GPR176: variants seen among roughly 807,000 people sequenced by gnomAD.
The protein encoded by GPR176 is G protein-coupled receptor 176.
A neutral mutation model predicts 35.4 loss-of-function variants in GPR176; 26 were observed. That is an observed-to-expected ratio of 0.74 (90% CI 0.54 to 1.02). The LOEUF is 1.02. Among genes scored for constraint, GPR176 ranks in the 50% least tolerant of loss-of-function variants. GPR176 has a pLI of 0.00. For missense variants in GPR176, 597 were observed against 665.3 expected (o/e 0.90, Z 1.13); for synonymous variants, 278 against 271.3 (o/e 1.02, Z -0.24).
At chr15:39,885,190 C>A (rs1168481673) in intron 1 of GPR176, among the ~76,000 whole-genome samples, 1 of 152,182 alleles carries the variant, frequency 6.6e-6, no homozygotes, top group Non-Finnish European at 1.5e-5. Context: ...TAGCAACAAC[C>A]TCAAAGAGCA....
At chr15:39,878,776 AACC>A (rs745941604) in intron 1 of GPR176, among the ~76,000 whole-genome samples, 5 of 152,204 alleles carry the variant, frequency 3.3e-5, no homozygotes, top group Non-Finnish European at 4.4e-5. Context: ...TTAGTTGTAA[AACC>A]ACTTTAAAGC....
At chr15:39,894,787 G>A (rs1199618850) in intron 1 of GPR176, among the ~76,000 whole-genome samples, 1 of 152,164 alleles carries the variant, frequency 6.6e-6, no homozygotes, top group Non-Finnish European at 1.5e-5. Context: ...GGGCGGCCAG[G>A]CAGAGACGCT....
chr15:39,827,125 T>C (rs914224269), intron 1 of GPR176, among the ~76,000 whole-genome samples: 3 of 152,186 alleles, frequency 2.0e-5, no homozygotes, highest in African/African-American at 7.2e-5. Flanking sequence ...GAATTTATGC[T>C]AAACAATGTG....
intron 1 of GPR176, among the ~76,000 whole-genome samples, chr15:39,894,271 C>G (rs7172058): frequency 0.088 from 9,846 of 111,580 alleles, 66 homozygotes; most frequent in Admixed American, 0.21. Context: ...CTGACCCCCC[C>G]ACCTCCCTCC....
In GPR176 at chr15:39,801,523, T is replaced by C; in HGVS notation, c.1157A>G (p.Asp386Gly). The change falls in exon 3 of 3, where the codon GAT becomes GGT. Residue 386 changes from aspartate (D) to glycine (G), a missense_variant. By Grantham distance (94) the Asp-to-Gly change is moderately conservative. Transcript: ENST00000561100. The stretch of plus-strand genomic sequence containing the variant: ...GTACTTGGCCTCACTCTCTTCCTCA[T>C]CCTCTGTGGGCTTAAAGATCTGCTG... The part of the protein sequence containing the change: ...GQQQIFKPTE[D>G]EEESEAKYIG... 1 of 1,614,174 alleles carries C rather than the reference T, an allele frequency of 6.2e-7. No homozygotes were observed. Among genetic ancestry groups the C allele is most frequent in the Non-Finnish European group, 8.5e-7 (1 of 1,180,014 alleles).
chr15:39,857,358 A>T (rs1368460588), intron 1 of GPR176, among the ~76,000 whole-genome samples: 1 of 152,212 alleles, frequency 6.6e-6, no homozygotes, highest in Non-Finnish European at 1.5e-5. Flanking sequence ...ACTGAGCCTG[A>T]AAGAAAACAA....
At chr15:39,812,128 CA>C in intron 1 of GPR176, among the ~76,000 whole-genome samples, 1 of 152,156 alleles carries the variant, frequency 6.6e-6, no homozygotes, top group Non-Finnish European at 1.5e-5. Flanking sequence ...TATACTGCTT[CA>C]CATGTAATAT....
At chr15:39,803,815 T>A (rs1472307563) in intron 2 of GPR176, among the ~76,000 whole-genome samples, 4 of 151,754 alleles carry the variant, frequency 2.6e-5, no homozygotes, top group African/African-American at 9.7e-5. Context: ...TGCAGTGGAG[T>A]CTGGCAGGGG....
At chr15:39,864,571 T>G (rs927385880) in intron 1 of GPR176, among the ~76,000 whole-genome samples, 1 of 151,886 alleles carries the variant, frequency 6.6e-6, no homozygotes, top group Non-Finnish European at 1.5e-5. Context: ...TGGGAACAGA[T>G]TGTGAGGACA....
chr15:39,893,738 C>A (rs1367914100), intron 1 of GPR176, among the ~76,000 whole-genome samples: 3 of 147,038 alleles, frequency 2.0e-5, no homozygotes, highest in Non-Finnish European at 4.6e-5. Context: ...GGGGGCTGAC[C>A]CCCCCACCTC....
chr15:39,897,727 C>T (rs1358346130), intron 1 of GPR176, among the ~76,000 whole-genome samples: 3 of 150,282 alleles, frequency 2.0e-5, no homozygotes, highest in African/African-American at 4.9e-5. Context: ...CATTCTCCTG[C>T]CTCAGCCCCA....
At chr15:39,894,253 GTTGGGGGCTGACCCCCCCACCTCCCTCC>G (rs750187269) in intron 1 of GPR176, among the ~76,000 whole-genome samples, 2,177 of 129,420 alleles carry the variant, frequency 0.017, 55 homozygotes, top group Non-Finnish European at 0.023. Flanking sequence ...GGCTGGCCGG[GTTGGGGGCTGACCCCCCCACCTCCCTCC>G]CGGACGGGGC....
At chr15:39,833,269 G>A (rs1041610238) in intron 1 of GPR176, among the ~76,000 whole-genome samples, 4 of 152,142 alleles carry the variant, frequency 2.6e-5, no homozygotes, top group Non-Finnish European at 5.9e-5. Flanking sequence ...ATCAAGAGAT[G>A]AATGGACAAA....
Position 39,821,974 on chromosome 15 carries a change from A to T in GPR176, c.173-14716T>A, listed in dbSNP as rs1900304213. ...TTTCCAAGGCTAGGTCACAAAAGGC[A>T]TTGCTACTTCTGTCCTCATCTCTTT... On this transcript the variant is annotated intron_variant, in intron 1 of 2. Transcript: ENST00000561100. Among the ~76,000 whole-genome samples the T allele has an allele frequency of 2.6e-5, 4 of 152,224 alleles. No homozygotes were observed. The South Asian group carries it at 8.3e-4, about 31-fold the overall frequency.
chr15:39,882,016 C>CA (rs1325222280), intron 1 of GPR176, among the ~76,000 whole-genome samples: 1 of 152,196 alleles, frequency 6.6e-6, no homozygotes, highest in African/African-American at 2.4e-5. Context: ...TCAAAATGTG[C>CA]ACAGCAATGT....
In GPR176 at chr15:39,800,854, A is replaced by G. The variant is rs894187577; in HGVS notation, c.*278T>C. 19 of 369,460 alleles carry G rather than the reference A, an allele frequency of 5.1e-5. No homozygotes were observed. The highest frequency in any genetic ancestry group is 4.8e-4 in the South Asian group (18 of 37,346). 22.9% of individuals were successfully genotyped at this position (369,460 alleles called of 1,614,324 possible). On this transcript the variant is annotated 3_prime_UTR_variant, in exon 3 of 3. Coordinates refer to ENST00000561100, the MANE Select transcript of GPR176 (RefSeq NM_007223.3). ...AAAGTGCACATGGGGTACCCACCTC[A>G]AGACCCATTCAAAACTGCCCAGCTC...
chr15:39,804,884 A>G (rs1390661129), intron 2 of GPR176, among the ~76,000 whole-genome samples: 1 of 152,244 alleles, frequency 6.6e-6, no homozygotes, highest in Non-Finnish European at 1.5e-5. Flanking sequence ...TGTCCAATAA[A>G]GCAAACATAT....
At chr15:39,843,090 A>C (rs1324763225) in intron 1 of GPR176, among the ~76,000 whole-genome samples, 2 of 151,930 alleles carry the variant, frequency 1.3e-5, no homozygotes, top group Non-Finnish European at 2.9e-5. Flanking sequence ...TGCTTTGTGC[A>C]TGAGTACTGG....
At chr15:39,870,912 A>T (rs988014395) in intron 1 of GPR176, among the ~76,000 whole-genome samples, 2 of 152,118 alleles carry the variant, frequency 1.3e-5, no homozygotes, top group African/African-American at 4.8e-5. Context: ...TTCTGCCAAC[A>T]ACTTGAATGG....
Sources: allele counts gnomAD v4.1 joint callset (sites outside exome capture counted in the v4.1 genomes callset), GRCh38; gene constraint gnomAD v4.1.1; transcripts MANE v1.5; gene names NCBI Gene and HGNC (gene_info 2026-07-23, HGNC 2026-07-21).